The following INTS4 variants were observed in gnomAD, a reference collection of about 807,000 sequenced individuals.
The protein encoded by INTS4 is MSTP093.
In INTS4, 70 loss-of-function variants were observed where a neutral mutation model predicts 119.5. The observed-to-expected ratio is 0.59, with a 90% confidence interval of 0.48 to 0.71. The LOEUF is 0.71. INTS4 is among the 30% of genes least tolerant of loss of function. The probability of loss-of-function intolerance (pLI) is 0.00; values close to 1 mark genes in which losing one functional copy is unlikely to be tolerated. For synonymous variants in INTS4, 316 were observed against 419.6 expected, an observed-to-expected ratio of 0.75 and a Z score of 3.02; for missense variants, 867 against 1,173.2, an observed-to-expected ratio of 0.74 and a Z score of 3.81.
At chr11:77,975,277 A>C (rs1043021580) in intron 4 of INTS4, among the ~76,000 whole-genome samples, 1 of 151,474 alleles carries the variant, frequency 6.6e-6, no homozygotes, top group African/African-American at 2.4e-5. Context: ...ATCATTTTCT[A>C]TTTTATTCAT....
Position 77,994,635 on chromosome 11 carries a change from C to T in INTS4, c.9G>A (p.Ala3=). 2 of 1,614,124 alleles carry T rather than the reference C, an allele frequency of 1.2e-6. No homozygotes were observed. The highest frequency in any genetic ancestry group is 1.7e-6 in the Non-Finnish European group (2 of 1,180,006). The part of the protein sequence containing the change: MA[A]HLKKRVYEEF... ...CCTCATAAACCCGCTTCTTAAGGTG[C>T]GCCGCCATGCCTACCCGCGGGCCCT... The change falls in exon 1 of 23, where the codon GCG becomes GCA. Residue 3 remains alanine, a synonymous_variant. Coordinates refer to ENST00000534064, the MANE Select transcript of INTS4 (RefSeq NM_033547.4).
intron 8 of INTS4, among the ~76,000 whole-genome samples, chr11:77,945,082 G>A (rs1244918814): frequency 6.6e-6 from 1 of 152,230 alleles, no homozygotes; most frequent in Non-Finnish European, 1.5e-5. Flanking sequence ...TGTGGAGCAT[G>A]GAAGCCTCAG....
chr11:77,922,299 G>C (rs1469702121), intron 13 of INTS4, 57 bp downstream of exon 13: 1 of 1,545,298 alleles, frequency 6.5e-7, no homozygotes, highest in Non-Finnish European at 8.7e-7. Context: ...TACTGCAGAA[G>C]GAGATGCCAA....
Position 77,954,048 on chromosome 11 carries a change from G to A in INTS4, c.918+1894C>T, listed in dbSNP as rs796585187. ...AGGATGGTCTCGATCTCTTGACCTC[G>A]TGATCCGCCCGCCTTGGCCTCCCAA... On this transcript the variant is annotated intron_variant, in intron 8 of 22. Transcript: ENST00000534064. Among the ~76,000 whole-genome samples the A allele has an allele frequency of 6.8e-4, 103 of 152,026 alleles. 2 individuals are homozygous for A. Among genetic ancestry groups the A allele is most frequent in the African/African-American group, 2.3e-3 (95 of 41,470 alleles).
chr11:77,901,670 A>G, intron 17 of INTS4, 119 bp from the exon 18 acceptor site: 1 of 745,384 alleles, frequency 1.3e-6, no homozygotes, highest in Non-Finnish European at 2.2e-6. Flanking sequence ...TTACATCCTT[A>G]TGCTTTTAAG....
downstream of INTS4, among the ~76,000 whole-genome samples, chr11:77,878,378 T>A (rs1049632080): frequency 5.3e-5 from 8 of 151,048 alleles, no homozygotes; most frequent in Non-Finnish European, 7.4e-5. Flanking sequence ...AAAAAAAAAA[T>A]TTCCTCAAAG....
intron 3 of INTS4, among the ~76,000 whole-genome samples, chr11:77,981,245 C>A (rs1856205447): frequency 1.4e-5 from 2 of 147,464 alleles, no homozygotes; most frequent in South Asian, 4.2e-4. Flanking sequence ...TAAACTACCT[C>A]AAATATATGG....
intron 8 of INTS4, among the ~76,000 whole-genome samples, chr11:77,949,387 G>C (rs1467355969): frequency 6.6e-6 from 1 of 152,040 alleles, no homozygotes; most frequent in African/African-American, 2.4e-5. Context: ...TTAAACTAAA[G>C]AGCTTCTGCA....
At chr11:77,940,802 A>C (rs777819387) in intron 9 of INTS4, among the ~76,000 whole-genome samples, 91 of 152,100 alleles carry the variant, frequency 6.0e-4, no homozygotes, top group Non-Finnish European at 1.1e-3. Flanking sequence ...ACACCTAGCT[A>C]ATTTTTGTTG....
At chr11:77,971,678 T>G (rs116750586) in intron 4 of INTS4, among the ~76,000 whole-genome samples, 2,178 of 152,244 alleles carry the variant, frequency 0.014, 45 homozygotes, top group African/African-American at 0.048. Flanking sequence ...AATTACCTCA[T>G]TATATGTATG....
chr11:77,933,240 CCTCTCT>C (rs1565254563), intron 10 of INTS4, among the ~76,000 whole-genome samples: 1 of 150,776 alleles, frequency 6.6e-6, no homozygotes, highest in Non-Finnish European at 1.5e-5. Flanking sequence ...TCTCCCTCTC[CCTCTCT>C]CTCCACGGTC....
At chr11:77,940,833 T>C (rs1263739133) in intron 9 of INTS4, among the ~76,000 whole-genome samples, 6 of 152,058 alleles carry the variant, frequency 3.9e-5, no homozygotes, top group Non-Finnish European at 8.8e-5. Context: ...ACAGGGTTCA[T>C]CATGTTGGCC....
chr11:77,989,045 A>C (rs958268319), intron 2 of INTS4, among the ~76,000 whole-genome samples: 6 of 152,210 alleles, frequency 3.9e-5, no homozygotes, highest in Non-Finnish European at 8.8e-5. Context: ...AACTTTATTC[A>C]TTAGGGTTAG....
chr11:77,968,001 T>C (rs1855568470), intron 4 of INTS4, among the ~76,000 whole-genome samples: 1 of 152,226 alleles, frequency 6.6e-6, no homozygotes, highest in Admixed American at 6.5e-5. Context: ...GACTACATGA[T>C]ATAGCCTAAT....
At chr11:77,942,746 G>C (rs1011901590) in intron 8 of INTS4, among the ~76,000 whole-genome samples, 4 of 152,180 alleles carry the variant, frequency 2.6e-5, no homozygotes, top group African/African-American at 9.7e-5. Context: ...GCAGGTCCTA[G>C]ACATTAAGAA....
At chr11:77,915,069 G>A (rs1251772576) in intron 15 of INTS4, 3 of 192,134 alleles carry the variant, frequency 1.6e-5, no homozygotes, top group African/African-American at 2.3e-5. Context: ...ACTTGTTAAC[G>A]ATTCATGTTC....
At chr11:77,941,785 C>G (rs1470439083) in intron 8 of INTS4, among the ~76,000 whole-genome samples, 1 of 152,092 alleles carries the variant, frequency 6.6e-6, no homozygotes, top group Non-Finnish European at 1.5e-5. Context: ...GGATTACAGG[C>G]GTGAGTCACC....
At chr11:77,952,390 G>A (rs1235296984) in intron 8 of INTS4, among the ~76,000 whole-genome samples, 1 of 152,180 alleles carries the variant, frequency 6.6e-6, no homozygotes, top group Non-Finnish European at 1.5e-5. Flanking sequence ...TTATTTATAA[G>A]TAATACATTT....
chr11:77,893,584 C>A (rs748676443), intron 19 of INTS4, among the ~76,000 whole-genome samples: 7 of 152,036 alleles, frequency 4.6e-5, no homozygotes, highest in Non-Finnish European at 1.0e-4. Flanking sequence ...CAGAGTGAGA[C>A]CCTGTCTCAA....
Sources: allele counts gnomAD v4.1 joint callset (sites outside exome capture counted in the v4.1 genomes callset), GRCh38; gene constraint gnomAD v4.1.1; transcripts MANE v1.5; gene names NCBI Gene and HGNC (gene_info 2026-07-23, HGNC 2026-07-21).